SERINC2: variants seen among roughly 807,000 people sequenced by gnomAD.
The protein encoded by SERINC2 is serine incorporator 2, also known as tumor differentially expressed protein 2.
Under a neutral mutation model 54.2 loss-of-function variants are expected in SERINC2, and 56 were observed. The ratio of observed to expected loss-of-function variants is 1.03; its 90% CI spans 0.83 to 1.29. The LOEUF is 1.29. SERINC2 is among the 50% of genes most tolerant of loss of function. The pLI, the probability that SERINC2 is intolerant of heterozygous loss-of-function variation, is 0.00. For synonymous variants in SERINC2, 272 were observed against 253.1 expected (o/e 1.07, Z -0.71); for missense variants, 614 against 607.4 (o/e 1.01, Z -0.12).
chr1:31,428,872 C>T, intron 6 of SERINC2, 106 bp from the exon 7 acceptor site: 1 of 857,938 alleles, frequency 1.2e-6, no homozygotes, highest in Non-Finnish European at 1.9e-6. Context: ...GGTGGGGTAT[C>T]CTAGGTGGGT....
At chr1:31,414,547 T>C (rs782008555) in intron 1 of SERINC2, 6 of 988,662 alleles carry the variant, frequency 6.1e-6, no homozygotes, top group South Asian at 4.7e-5. Context: ...GAGATCAGCA[T>C]AGACAGCACA....
Position 31,413,218 on chromosome 1 carries a change from C to G in SERINC2, c.-48C>G. On this transcript the variant is annotated 5_prime_UTR_variant, in exon 1 of 10. Transcript: ENST00000373709. This position sits in a 1 kb window ranked among gnomAD's most constrained non-coding sequence, Gnocchi z 5.0. The stretch of plus-strand genomic sequence containing the variant: ...AGGCCCGGCACCCGGATCCCGAGGT[C>G]CGCGCCCCGCGCCCGGCGCCGGGCG... The G allele has an allele frequency of 9.1e-7, 1 of 1,104,372 alleles. No homozygotes were observed. Among genetic ancestry groups the G allele is most frequent in the Non-Finnish European group, 1.1e-6 (1 of 909,758 alleles). 68.4% of individuals were successfully genotyped at this position (1,104,372 alleles called of 1,614,324 possible).
intron 8 of SERINC2, among the ~76,000 whole-genome samples, chr1:31,432,292 C>G (rs1192527856): frequency 6.6e-6 from 1 of 151,060 alleles, no homozygotes; most frequent in Admixed American, 6.6e-5. Flanking sequence ...GGGCTGGAAT[C>G]CAGCTCTCCT....
upstream of SERINC2, chr1:31,409,842 A>G (rs782136229): frequency 1.1e-4 from 176 of 1,557,694 alleles, no homozygotes; most frequent in Non-Finnish European, 1.4e-4. Flanking sequence ...GTCCTCATGG[A>G]CGGGAGGATG....
In SERINC2 at chr1:31,419,864, C is replaced by T. The variant is rs370916258; in HGVS notation, c.40-3829C>T. 5.9e-5 allele frequency among the ~76,000 whole-genome samples: 9 copies of T among 152,144 alleles called. No individual in the cohort carries two copies. In the East Asian group the frequency reaches 1.4e-3, roughly 23 times the overall value. ...CCAAGAAACCAAAAAGAAAAATTAG[C>T]TGGGCATTGTGGCTGGTGCCTGTGG... On this transcript the variant is annotated intron_variant, in intron 1 of 9. Coordinates refer to ENST00000373709, the MANE Select transcript of SERINC2 (RefSeq NM_178865.5).
At chr1:31,414,452 T>TGAGAGAGAGAGA (rs1473204193) in intron 1 of SERINC2, 1 of 950,694 alleles carries the variant, frequency 1.1e-6, no homozygotes, top group African/African-American at 2.6e-5. Flanking sequence ...TGTGTGTGTG[T>TGAGAGAGAGAGA]GTGAGAGAGA....
intron 6 of SERINC2, among the ~76,000 whole-genome samples, chr1:31,427,560 C>T (rs543848829): frequency 2.0e-5 from 3 of 152,296 alleles, no homozygotes; most frequent in East Asian, 3.9e-4. Context: ...GCAAATACCT[C>T]TTGAGCACTT....
In SERINC2 at chr1:31,433,087, C is replaced by T. The variant is rs1553135057; in HGVS notation, c.1134C>T (p.Asp378=). The T allele has an allele frequency of 1.2e-6, 2 of 1,613,634 alleles. No homozygotes were observed. The change falls in exon 9 of 10, where the codon GAC becomes GAT. Residue 378 remains aspartate, a synonymous_variant. Transcript: ENST00000373709. ...CAGCCTGTGAGGGCCGGGCCTTTGA[C>T]AACGAGCAGGACGGCGTCACCTACA... ...QVAACEGRAF[D]NEQDGVTYSY...
At position 31,432,028 on chromosome 1, in the gene SERINC2, GAC is replaced by G. The variant is rs1557500664; in HGVS notation, c.1014-937_1014-936del. 2.5e-4 allele frequency among the ~76,000 whole-genome samples: 32 copies of G among 128,732 alleles called. 1 individual carries two copies. The highest frequency in any genetic ancestry group is 4.1e-4 in the Non-Finnish European group (25 of 60,986). 84.5% of individuals were successfully genotyped at this position (128,732 alleles called of 152,430 possible). The stretch of plus-strand genomic sequence containing the variant: ...TAGGGTGGATAGGGTGGACAGGGTG[GAC>G]AGGGTGGACAGGGTGGACAGGGTGG... On this transcript the variant is annotated intron_variant, in intron 8 of 9. Transcript: ENST00000373709.
In SERINC2 at chr1:31,416,454, C is replaced by T. The variant is rs1570027952; in HGVS notation, c.39+3150C>T. 3.3e-5 allele frequency among the ~76,000 whole-genome samples: 5 copies of T among 152,278 alleles called. 1 individual carries two copies. The South Asian group carries it at 1.0e-3, about 32-fold the overall frequency. On this transcript the variant is annotated intron_variant, in intron 1 of 9. Transcript: ENST00000373709. ...GTCAGATTACAAGCTGTGGCAGAGC[C>T]AGCATTAGGACCTGCATTCTTGGCA...
intron 9 of SERINC2, 126 bp from the exon 10 acceptor site, chr1:31,433,938 G>T: frequency 1.1e-6 from 1 of 919,688 alleles, no homozygotes; most frequent in South Asian, 1.6e-5. Context: ...TGTCAGAGAT[G>T]GACTGGAGTT....
At chr1:31,416,043 G>A in intron 1 of SERINC2, 1 of 366,464 alleles carries the variant, frequency 2.7e-6, no homozygotes, top group Non-Finnish European at 3.8e-6. Flanking sequence ...AGTGTGAAAG[G>A]CCTTTGGGTC....
chr1:31,413,382 C>T lies in SERINC2; in HGVS notation c.39+78C>T, dbSNP rs1418172024. On this transcript the variant is annotated intron_variant, in intron 1 of 9. Transcript: ENST00000373709. This position sits in a 1 kb window ranked among gnomAD's most constrained non-coding sequence, Gnocchi z 5.0. ...GCCCTCACTTTCTTCTGTTCTGCTC[C>T]GAGTAGTTTCTTCTTTTTCCTTCCT... 3 of 802,604 alleles carry T rather than the reference C, an allele frequency of 3.7e-6. No individual in the cohort carries two copies. Among genetic ancestry groups the T allele is most frequent in the Non-Finnish European group, 5.0e-6 (3 of 596,238 alleles). The allele number at this position is 802,604 out of a possible 1,614,324, so 49.7% of individuals were successfully genotyped here. A position where few individuals can be genotyped will look rare whatever the true frequency, so the allele number is the denominator to read the frequency against.
chr1:31,419,858 A>C (rs1234645828), intron 1 of SERINC2, among the ~76,000 whole-genome samples: 3 of 151,770 alleles, frequency 2.0e-5, no homozygotes, highest in African/African-American at 7.3e-5. Context: ...CAAAAAGAAA[A>C]ATTAGCTGGG....
In SERINC2 at chr1:31,414,419, GGTTGTGT is replaced by G. The variant is rs1440621734; in HGVS notation, c.39+1118_39+1124del. The G allele has an allele frequency of 9.6e-6, 11 of 1,146,296 alleles. No individual in the cohort carries two copies. The African/African-American group carries it at 1.5e-4, about 15-fold the overall frequency. The allele number at this position is 1,146,296 out of a possible 1,614,324, so 71.0% of individuals were successfully genotyped here. A position where few individuals can be genotyped will look rare whatever the true frequency, so the allele number is the denominator to read the frequency against. ...GACTCGCTTTCCTTTGTCCCTGACG[GGTTGTGT>G]GTGTGTGTGTGTGTGTGTGTGTGTG... is the stretch of plus-strand genomic sequence containing the variant. On this transcript the variant is annotated intron_variant, in intron 1 of 9. Coordinates refer to ENST00000373709, the MANE Select transcript of SERINC2 (RefSeq NM_178865.5).
intron 4 of SERINC2, 61 bp downstream of exon 4, chr1:31,425,470 G>A (rs1321227131): frequency 1.6e-6 from 2 of 1,249,598 alleles, no homozygotes; most frequent in Non-Finnish European, 2.4e-6. Context: ...CGGCAGGTTG[G>A]AGGAACGTGG....
chr1:31,420,641 C>T (rs561899628), intron 1 of SERINC2, among the ~76,000 whole-genome samples: 39 of 152,298 alleles, frequency 2.6e-4, no homozygotes, highest in African/African-American at 9.1e-4. Flanking sequence ...CAGAGCCTGG[C>T]CCTTGGTGCA....
At chr1:31,427,345 G>A (rs956899488) in intron 6 of SERINC2, among the ~76,000 whole-genome samples, 1 of 152,194 alleles carries the variant, frequency 6.6e-6, no homozygotes, top group Non-Finnish European at 1.5e-5. Context: ...TACCGCTGGA[G>A]CCCCTTGTGA....
Position 31,434,230 on chromosome 1 carries a change from C to T in SERINC2, c.*31C>T, listed in dbSNP as rs782461646. On this transcript the variant is annotated 3_prime_UTR_variant, in exon 10 of 10. Transcript: ENST00000373709. ...CCTCACAGCCTGCCATCTGGTGCCT[C>T]CTGCCACCTGGTGCCTCTCGGCTCA... is the stretch of plus-strand genomic sequence containing the variant. 4.8e-5 allele frequency: 77 copies of T among 1,604,216 alleles called. No individual in the cohort carries two copies. In the Middle Eastern group the frequency reaches 1.2e-3, roughly 24 times the overall value.
Sources: allele counts gnomAD v4.1 joint callset (sites outside exome capture counted in the v4.1 genomes callset), GRCh38; gene constraint gnomAD v4.1.1; non-coding constraint Gnocchi (gnomAD v3.1); transcripts MANE v1.5; gene names NCBI Gene and HGNC (gene_info 2026-07-23, HGNC 2026-07-21).